The following GDAP1 variants were observed in gnomAD, a reference collection of about 807,000 sequenced individuals.
GDAP1 encodes the protein ganglioside induced differentiation associated protein 1.
Under a neutral mutation model 40.1 loss-of-function variants are expected in GDAP1, and 34 were observed. The observed-to-expected ratio is 0.85, with a 90% CI of 0.64 to 1.13. The LOEUF (loss-of-function observed/expected upper bound fraction) is 1.13, where lower values mean the gene tolerates loss of function less well. GDAP1 is among the 50% of genes most tolerant of loss of function. GDAP1 has a pLI of 0.00. For missense variants in GDAP1, 374 were observed against 433.7 expected, an observed-to-expected ratio of 0.86 and a Z score of 1.22; for synonymous variants, 170 against 157.4, an observed-to-expected ratio of 1.08 and a Z score of -0.60.
chr8:74,478,978 C>T (rs778160945), intron 2 of GDAP1, among the ~76,000 whole-genome samples: 1 of 152,190 alleles, frequency 6.6e-6, no homozygotes, highest in Admixed American at 6.5e-5. Context: ...TGTGTCTTCC[C>T]TCCATTCACC....
intron 2 of GDAP1, among the ~76,000 whole-genome samples, chr8:74,420,233 T>C (rs1279287946): frequency 6.6e-6 from 1 of 152,142 alleles, no homozygotes; most frequent in African/African-American, 2.4e-5. Context: ...TTTTAAATTA[T>C]AGTGGAGTGT....
At chr8:74,352,529 A>T (rs1808925997) in intron 2 of GDAP1, among the ~76,000 whole-genome samples, 1 of 152,228 alleles carries the variant, frequency 6.6e-6, no homozygotes, top group Admixed American at 6.5e-5. Flanking sequence ...TTAGGCCTAG[A>T]TGGTGGGCAG....
In GDAP1 at chr8:74,366,534, T is replaced by C. The variant is rs1004547421; in HGVS notation, c.*2167T>C. On this transcript the variant is annotated 3_prime_UTR_variant, in exon 6 of 6. Transcript: ENST00000220822. ...AGTATTAGCTAAATAGGCACTTATG[T>C]GTATTTTCTTTTTCATGATTATCGG... The C allele has an allele frequency of 4.4e-5, 20 of 453,932 alleles. No individual in the cohort carries two copies. Among genetic ancestry groups the C allele is most frequent in the African/African-American group, 3.6e-4 (18 of 49,994 alleles). The allele number at this position is 453,932 out of a possible 1,614,324, so 28.1% of individuals were successfully genotyped here. A position where few individuals can be genotyped will look rare whatever the true frequency, so the allele number is the denominator to read the frequency against.
intron 2 of GDAP1, among the ~76,000 whole-genome samples, chr8:74,476,274 G>A (rs926596870): frequency 1.3e-5 from 2 of 151,992 alleles, no homozygotes; most frequent in Non-Finnish European, 2.9e-5. Flanking sequence ...GGATATTTAT[G>A]CCATTTACAT....
At chr8:74,383,720 C>G (rs1305537438) in intron 2 of GDAP1, among the ~76,000 whole-genome samples, 2 of 152,126 alleles carry the variant, frequency 1.3e-5, no homozygotes, top group Non-Finnish European at 2.9e-5. Flanking sequence ...TCTCTCCATA[C>G]AGTTGGAAGA....
rs550272027 is a variant in GDAP1 at position 74,485,494 on chromosome 8, G to A, written c.166-3184G>A. Among the ~76,000 whole-genome samples the A allele has an allele frequency of 2.0e-5, 3 of 152,276 alleles. No individual in the cohort carries two copies. In the East Asian group the frequency reaches 5.8e-4, roughly 29 times the overall value. ...CGGCATATGAGGCACAATTCTTGCT[G>A]TCATACAGCATTTAAACATATATAC... On this transcript the variant is annotated intron_variant, in intron 2 of 2. Transcript: ENST00000523640.
chr8:74,425,596 G>C (rs1055784274), intron 2 of GDAP1, among the ~76,000 whole-genome samples: 1 of 152,154 alleles, frequency 6.6e-6, no homozygotes, highest in Non-Finnish European at 1.5e-5. Flanking sequence ...ATCAGAAACT[G>C]CAATATCAGA....
At chr8:74,461,883 G>T (rs901784887) in intron 2 of GDAP1, among the ~76,000 whole-genome samples, 5 of 152,312 alleles carry the variant, frequency 3.3e-5, no homozygotes, top group Non-Finnish European at 5.9e-5. Context: ...AGCACTGAAA[G>T]ATTTGAATGA....
At chr8:74,454,990 C>T (rs1165955575) in intron 2 of GDAP1, among the ~76,000 whole-genome samples, 1 of 151,756 alleles carries the variant, frequency 6.6e-6, no homozygotes, top group South Asian at 2.1e-4. Context: ...AGTTTGTGCC[C>T]CAATCTCCAA....
intron 2 of GDAP1, among the ~76,000 whole-genome samples, chr8:74,401,340 C>T (rs1026574742): frequency 9.4e-5 from 14 of 149,632 alleles, no homozygotes; most frequent in African/African-American, 3.6e-4. Context: ...TCCAGTTGAT[C>T]GCATTAGCTC....
At chr8:74,479,988 T>C (rs978789276) in intron 2 of GDAP1, among the ~76,000 whole-genome samples, 43 of 20,950 alleles carry the variant, frequency 2.1e-3, no homozygotes, top group South Asian at 0.011. Flanking sequence ...TGGACTCTCT[T>C]TTTTTTTTTT....
At chr8:74,388,782 A>G (rs1810063334) in intron 2 of GDAP1, among the ~76,000 whole-genome samples, 1 of 152,152 alleles carries the variant, frequency 6.6e-6, no homozygotes, top group Non-Finnish European at 1.5e-5. Flanking sequence ...GTGAGGTGTT[A>G]AAGTCTCTCA....
rs188635855 is a variant in GDAP1 at position 74,376,155 on chromosome 8, T to C, written c.165+24834T>C. On this transcript the variant is annotated intron_variant, in intron 2 of 2. Transcript: ENST00000523640. The stretch of plus-strand genomic sequence containing the variant: ...TATACCATATGCATGGTTTGGAAAA[T>C]TTAATATTGTTAAGAAGTCCATTCT... 1.2e-4 allele frequency among the ~76,000 whole-genome samples: 18 copies of C among 152,196 alleles called. No homozygotes were observed. In the East Asian group the frequency reaches 3.5e-3, roughly 29 times the overall value.
chr8:74,421,135 T>A (rs764141102), intron 2 of GDAP1, among the ~76,000 whole-genome samples: 3 of 152,166 alleles, frequency 2.0e-5, no homozygotes, highest in Non-Finnish European at 4.4e-5. Flanking sequence ...GCAACTCCAA[T>A]TGCTCTTCTC....
intron 2 of GDAP1, among the ~76,000 whole-genome samples, chr8:74,359,521 G>A (rs950705329): frequency 9.9e-5 from 15 of 152,228 alleles, no homozygotes; most frequent in African/African-American, 2.9e-4. Context: ...GGCCTTTCCT[G>A]TTCCATATAG....
At chr8:74,423,749 A>G (rs908594127) in intron 2 of GDAP1, among the ~76,000 whole-genome samples, 6 of 151,996 alleles carry the variant, frequency 3.9e-5, no homozygotes, top group African/African-American at 1.2e-4. Context: ...TGGACCACAA[A>G]TGGGATTTCT....
rs113895246 is a variant in GDAP1 at position 74,477,400 on chromosome 8, G to T, written c.166-11278G>T. Among the ~76,000 whole-genome samples the T allele has an allele frequency of 3.3e-5, 5 of 152,146 alleles. 1 individual carries two copies. The highest frequency in any genetic ancestry group is 1.2e-4 in the African/African-American group (5 of 41,520). ...TTTGAGTTGTCAGAGTTCTTGTGCT[G>T]GTTCTTTCTCATCTTTGTGGGCTAA... On this transcript the variant is annotated intron_variant, in intron 2 of 2. Coordinates refer to the GDAP1 transcript ENST00000523640.
At chr8:74,473,786 G>A (rs1348771785) in intron 2 of GDAP1, among the ~76,000 whole-genome samples, 1 of 150,772 alleles carries the variant, frequency 6.6e-6, no homozygotes, top group Non-Finnish European at 1.5e-5. Flanking sequence ...TGGCTATTCA[G>A]GCCCTTTTTT....
Position 74,360,219 on chromosome 8 carries a change from GC to G in GDAP1, c.395del (p.Pro132GlnfsTer15). On this transcript the variant is annotated frameshift_variant, in exon 3 of 6. Transcript: ENST00000220822. LOFTEE classifies it high-confidence loss of function. ...QHYRELLDSL[P>X]MDAYTHGCIL... is the part of the protein sequence containing the mutation. Reference sequence around the variant, plus strand: ...ATTACCGAGAGCTGCTTGACTCCTTGCCAATGGATGCCTATACACATGGCTG... The same window carrying G: ...ATTACCGAGAGCTGCTTGACTCCTTGCAATGGATGCCTATACACATGGCTG... 6.2e-7 allele frequency: 1 copy of G among 1,613,260 alleles called. No individual in the cohort carries two copies. The highest frequency in any genetic ancestry group is 8.5e-7 in the Non-Finnish European group (1 of 1,179,296).
Sources: gnomAD v4.1 joint callset for allele counts (sites outside exome capture counted in the v4.1 genomes callset) on GRCh38, gnomAD v4.1.1 for gene constraint, MANE v1.5 for transcripts, NCBI Gene and HGNC (gene_info 2026-07-23, HGNC 2026-07-21) for gene names.